Variants in SF3A2 observed in about 807,000 individuals in gnomAD.
SF3A2 encodes splicing factor 3a subunit 2, also known as SAP 62.
SF3A2 carries 5 observed loss-of-function variants against 31.1 expected under a neutral mutation model. That is an observed-to-expected ratio of 0.16 (90% CI 0.08 to 0.34). SF3A2 has a LOEUF of 0.34. Among genes scored for constraint, SF3A2 ranks in the 10% least tolerant of loss-of-function variants. SF3A2 has a pLI of 1.00. For missense variants in SF3A2, 577 were observed against 643.9 expected, an observed-to-expected ratio of 0.90 and a Z score of 1.13; for synonymous variants, 365 against 263.7, an observed-to-expected ratio of 1.38 and a Z score of -3.72.
At chr19:2,240,344 G>A (rs1331650515) in intron 1 of SF3A2, among the ~76,000 whole-genome samples, 1 of 152,244 alleles carries the variant, frequency 6.6e-6, no homozygotes, top group African/African-American at 2.4e-5. Context: ...TAACTCTAGA[G>A]GCCCTTTTAT....
In SF3A2 at chr19:2,245,095, A is replaced by C; in HGVS notation, c.245+316A>C. The C allele has an allele frequency of 2.0e-6, 1 of 501,384 alleles. No individual in the cohort carries two copies. The highest frequency in any genetic ancestry group is 3.4e-5 in the East Asian group (1 of 29,362). The allele number at this position is 501,384 out of a possible 1,614,324, so 31.1% of individuals were successfully genotyped here. On this transcript the variant is annotated intron_variant, in intron 4 of 8. Transcript: ENST00000221494. The surrounding 1 kb of genome is among the most constrained non-coding windows in gnomAD (Gnocchi z 4.2). Reference sequence around the variant, plus strand: ...CAGCTACTATGGAGGCTGAGGCAGGAGAATCTTGAATCTGGGAGGCAGAGA... The same window carrying C: ...CAGCTACTATGGAGGCTGAGGCAGGCGAATCTTGAATCTGGGAGGCAGAGA...
chr19:2,245,440 C>T lies in SF3A2; in HGVS notation c.246-6C>T. On this transcript the variant is annotated splice_polypyrimidine_tract_variant and splice_region_variant and intron_variant, in intron 4 of 8. Coordinates refer to ENST00000221494, the MANE Select transcript of SF3A2 (RefSeq NM_007165.5). The surrounding 1 kb of genome is among the most constrained non-coding windows in gnomAD (Gnocchi z 4.2). The stretch of plus-strand genomic sequence containing the variant: ...GGTCCCAGCAGCACCTCCATCCTGT[C>T]CGCAGGGCCCGGCGAGCAGCCAAGG... 6.5e-7 allele frequency: 1 copy of T among 1,548,556 alleles called. No homozygotes were observed. The highest frequency in any genetic ancestry group is 8.7e-7 in the Non-Finnish European group (1 of 1,145,712).
rs766352667 is a variant in SF3A2, at chr19:2,245,867, T to A, written c.355+312T>A. The A allele has an allele frequency of 4.9e-6, 2 of 408,034 alleles. No individual in the cohort carries two copies. The highest frequency in any genetic ancestry group is 9.0e-6 in the Non-Finnish European group (2 of 221,590). 25.3% of individuals were successfully genotyped at this position (408,034 alleles called of 1,614,324 possible). On this transcript the variant is annotated intron_variant, in intron 5 of 8. Coordinates refer to ENST00000221494, the MANE Select transcript of SF3A2 (RefSeq NM_007165.5). The surrounding 1 kb of genome is among the most constrained non-coding windows in gnomAD (Gnocchi z 4.2). ...CAAAAGAGTGGAAGTGGAGGTGTGG[T>A]GAGCCCTGGCACATCCCTCCGGTTA... is the stretch of plus-strand genomic sequence containing the variant.
chr19:2,242,141 C>CACCACT (rs1568388426), intron 1 of SF3A2, among the ~76,000 whole-genome samples: 1 of 138,502 alleles, frequency 7.2e-6, no homozygotes, highest in African/African-American at 2.9e-5. Flanking sequence ...GCACACCTGC[C>CACCACT]GCCACTGTGG....
intron 1 of SF3A2, among the ~76,000 whole-genome samples, chr19:2,241,268 C>T (rs577832063): frequency 6.6e-6 from 1 of 152,082 alleles, no homozygotes; most frequent in Admixed American, 6.6e-5. Context: ...GGAGTGCATC[C>T]GTGAAAGAAG....
rs1200924943 is a variant in SF3A2, at chr19:2,247,628, A to G, written c.581A>G (p.Lys194Arg). Reference protein sequence around the residue: ...PSREIDKAEGKFWTHWNRETK... With the variant: ...PSREIDKAEGRFWTHWNRETK... ...AGAGAGATCGACAAGGCGGAGGGCA[A>G]GTTCTGGACACACTGGAACCGGGAG... Residue 194 changes from lysine to arginine, a missense_variant, in exon 8 of 9, where the codon AAG becomes AGG. Lys to Arg is a conservative substitution (Grantham distance 26). Transcript: ENST00000221494. The G allele has an allele frequency of 6.2e-7, 1 of 1,613,372 alleles. No individual in the cohort carries two copies. Among genetic ancestry groups the G allele is most frequent in the Admixed American group, 1.7e-5 (1 of 59,996 alleles).
chr19:2,247,072 A>T (rs1246794670), intron 7 of SF3A2, 50 bp downstream of exon 7: 2 of 1,575,030 alleles, frequency 1.3e-6, no homozygotes, highest in East Asian at 4.5e-5. Context: ...TGCAAGCCAG[A>T]AGGATCTGCA....
Position 2,245,250 on chromosome 19 carries a change from G to T in SF3A2, c.246-196G>T. On this transcript the variant is annotated intron_variant, in intron 4 of 8. Coordinates refer to ENST00000221494, the MANE Select transcript of SF3A2 (RefSeq NM_007165.5). This position sits in a 1 kb window ranked among gnomAD's most constrained non-coding sequence, Gnocchi z 4.2. ...GAAGGGCCCCAGCCAGGGACAGTGA[G>T]GAGCATGACAGGAAGAGAACATGCC... 1.8e-6 allele frequency: 1 copy of T among 555,498 alleles called. No individual in the cohort carries two copies. The highest frequency in any genetic ancestry group is 3.2e-6 in the Non-Finnish European group (1 of 314,850). The allele number at this position is 555,498 out of a possible 1,614,324, so 34.4% of individuals were successfully genotyped here.
rs1012465117 is a variant in SF3A2 at position 2,247,390 on chromosome 19, AG to A, written c.547-199del. On this transcript the variant is annotated intron_variant, in intron 7 of 8. Coordinates refer to ENST00000221494, the MANE Select transcript of SF3A2 (RefSeq NM_007165.5). The stretch of plus-strand genomic sequence containing the variant: ...TAATACAAACGGTGACTGCCCAGGG[AG>A]GGGGCCAACAGCGTGCTAGCATTGA... Among the ~76,000 whole-genome samples the A allele has an allele frequency of 8.5e-5, 13 of 152,278 alleles. No individual in the cohort carries two copies. The East Asian group carries it at 2.5e-3, about 29-fold the overall frequency.
At chr19:2,242,401 G>A (rs554924347) in intron 1 of SF3A2, among the ~76,000 whole-genome samples, 13 of 152,222 alleles carry the variant, frequency 8.5e-5, no homozygotes, top group Non-Finnish European at 1.5e-4. Flanking sequence ...GCCTTGCCTC[G>A]GGGCCCCTTC....
rs1196128364 is a variant in SF3A2 at position 2,248,543 on chromosome 19, C to T, written c.1392C>T (p.Asn464=). 1 of 1,056,246 alleles carries T rather than the reference C, an allele frequency of 9.5e-7. No individual in the cohort carries two copies. The highest frequency in any genetic ancestry group is 1.3e-6 in the Non-Finnish European group (1 of 794,374). 65.4% of individuals were successfully genotyped at this position (1,056,246 alleles called of 1,614,324 possible). The change falls in exon 9 of 9, where the codon AAC becomes AAT. Residue 464 remains asparagine, a synonymous_variant. Coordinates refer to ENST00000221494, the MANE Select transcript of SF3A2 (RefSeq NM_007165.5). ...ACATACCTCCCCCTCCCCCAACCAA[C>T]TGAGAAGCTGCTCCCTCCCCCAGCA... is the stretch of plus-strand genomic sequence containing the variant. The part of the protein sequence containing the change: ...PGNIPPPPPT[N]
At position 2,248,201 on chromosome 19, in the gene SF3A2, CCACCCACCAGCCCCTGGGGTT is replaced by C. The variant is rs774451139; in HGVS notation, c.1065_1085del (p.Ala361_Pro367del). On this transcript the variant is annotated inframe_deletion, in exon 9 of 9. Coordinates refer to ENST00000221494, the MANE Select transcript of SF3A2 (RefSeq NM_007165.5). ...GGGTTCACCCACCAGCCCCCGGAGTCCACCCACCAGCCCCTGGGGTTCACCCACCAGCCCCAGGGGTCCATC... is the reference window on the plus strand; with the variant it reads ...GGGTTCACCCACCAGCCCCCGGAGTCCACCCACCAGCCCCAGGGGTCCATC... 2.4e-4 allele frequency: 278 copies of C among 1,177,844 alleles called. No homozygotes were observed. Among genetic ancestry groups the C allele is most frequent in the African/African-American group, 7.5e-4 (46 of 60,986 alleles). The allele number at this position is 1,177,844 out of a possible 1,614,324, so 73.0% of individuals were successfully genotyped here. A position where few individuals can be genotyped will look rare whatever the true frequency, so the allele number is the denominator to read the frequency against.
Position 2,247,894 on chromosome 19 carries a change from C to T in SF3A2, c.743C>T (p.Pro248Leu). The T allele has an allele frequency of 6.3e-7, 1 of 1,581,978 alleles. No homozygotes were observed. Among genetic ancestry groups the T allele is most frequent in the East Asian group, 2.2e-5 (1 of 44,732 alleles). The stretch of plus-strand genomic sequence containing the variant: ...GGTCTGCCCCCTCGGCCACCGCTGC[C>T]TGAGTCTTTGCCACCGCCCCCGCCA... ...MNGLPPRPPL[P>L]ESLPPPPPGG... The change falls in exon 9 of 9, where the codon CCT becomes CTT. Residue 248 changes from proline (P) to leucine (L), a missense_variant. This residue lies in a region of SF3A2 where 462 missense variants were observed against 339.1 expected (regional missense o/e 1.36). Transcript: ENST00000221494.
intron 4 of SF3A2, 162 bp downstream of exon 4, chr19:2,244,941 A>G (rs1171508764): frequency 4.6e-6 from 3 of 649,254 alleles, no homozygotes; most frequent in African/African-American, 1.8e-5. Context: ...GAACAGAGGC[A>G]TGGATGGCTG....
In SF3A2 at chr19:2,245,029, A is replaced by G; in HGVS notation, c.245+250A>G. ...GTGAAACTCCATCTCTACTAAAAAT[A>G]CAAAAATTAGGCCAGGCATGGTGGC... On this transcript the variant is annotated intron_variant, in intron 4 of 8. Transcript: ENST00000221494. This position sits in a 1 kb window ranked among gnomAD's most constrained non-coding sequence, Gnocchi z 4.2. The G allele has an allele frequency of 1.1e-5, 6 of 559,760 alleles. No individual in the cohort carries two copies. The South Asian group carries it at 1.3e-4, about 12-fold the overall frequency. 34.7% of individuals were successfully genotyped at this position (559,760 alleles called of 1,614,324 possible).
In SF3A2 at chr19:2,236,827, T is replaced by G. The variant is rs1375766033; in HGVS notation, c.-112T>G. 6.6e-6 allele frequency: 1 copy of G among 152,046 alleles called. No homozygotes were observed. The highest frequency in any genetic ancestry group is 1.5e-5 in the Non-Finnish European group (1 of 68,036). 9.4% of individuals were successfully genotyped at this position (152,046 alleles called of 1,614,324 possible). On this transcript the variant is annotated 5_prime_UTR_variant, in exon 1 of 9. Transcript: ENST00000221494. Reference sequence around the variant, plus strand: ...CGTCTCATTTGCCCCGGAAGTGCTTTCTTTGCCCGCCGTTCGCCAAACGAA... The same window carrying G: ...CGTCTCATTTGCCCCGGAAGTGCTTGCTTTGCCCGCCGTTCGCCAAACGAA...
intron 1 of SF3A2, among the ~76,000 whole-genome samples, chr19:2,239,437 C>G (rs2024870167): frequency 6.6e-6 from 1 of 151,386 alleles, no homozygotes. Context: ...GTGCTGTTCT[C>G]AAAAGATCAG....
intron 1 of SF3A2, among the ~76,000 whole-genome samples, chr19:2,240,201 G>A (rs908865745): frequency 3.3e-5 from 5 of 152,138 alleles, no homozygotes; most frequent in African/African-American, 4.8e-5. Context: ...GGGGGCGTCC[G>A]TGCTGGGCCG....
chr19:2,244,869 G>A (rs1204918712), intron 4 of SF3A2, 90 bp downstream of exon 4: 5 of 1,297,778 alleles, frequency 3.9e-6, no homozygotes, highest in South Asian at 2.5e-5. Context: ...CTCCACAGCC[G>A]GGGAGCCAGC....
Sources: allele counts gnomAD v4.1 joint callset (sites outside exome capture counted in the v4.1 genomes callset), GRCh38; gene constraint gnomAD v4.1.1; regional missense constraint gnomAD v4.1.1; non-coding constraint Gnocchi (gnomAD v3.1); transcripts MANE v1.5; gene names NCBI Gene and HGNC (gene_info 2026-07-23, HGNC 2026-07-21).